BRPF1: variants seen among roughly 807,000 people sequenced by gnomAD.
The protein encoded by BRPF1 is peregrin.
BRPF1 carries 15 observed loss-of-function variants against 115.0 expected under a neutral mutation model. The ratio of observed to expected loss-of-function variants is 0.13; its 90% CI spans 0.09 to 0.20. The LOEUF (loss-of-function observed/expected upper bound fraction) is 0.20. Ranked by LOEUF, BRPF1 falls within the 10% of genes least tolerant of loss-of-function variation. The probability of loss-of-function intolerance (pLI) is 1.00; values close to 1 mark genes in which losing one functional copy is unlikely to be tolerated. For missense variants in BRPF1, 1,118 were observed against 1,638.3 expected (o/e 0.68, Z 5.48); for synonymous variants, 647 against 619.8 (o/e 1.04, Z -0.65).
At position 9,742,019 on chromosome 3, in the gene BRPF1, T is replaced by C. The variant is rs769990264; in HGVS notation, c.1855-6T>C. ...GCCTGGCTGATCAGGCCTTTTTCTATGTTAGATCAAGGTTCAGCAGATTGC... is the reference window on the plus strand; with the variant it reads ...GCCTGGCTGATCAGGCCTTTTTCTACGTTAGATCAAGGTTCAGCAGATTGC... On this transcript the variant is annotated splice_polypyrimidine_tract_variant and splice_region_variant and intron_variant, in intron 5 of 13. Coordinates refer to ENST00000383829, the MANE Select transcript of BRPF1 (RefSeq NM_001003694.2). 50 of 1,614,006 alleles carry C rather than the reference T, an allele frequency of 3.1e-5. 1 individual carries two copies. Among genetic ancestry groups the C allele is most frequent in the Non-Finnish European group, 8.5e-6 (10 of 1,180,032 alleles).
At chr3:9,741,954 G>T in intron 5 of BRPF1, 71 bp from the exon 6 acceptor site, 1 of 1,582,634 alleles carries the variant, frequency 6.3e-7, no homozygotes, top group South Asian at 1.1e-5. Context: ...GGCCAGCTGG[G>T]ACCATATCCT....
At position 9,742,158 on chromosome 3, in the gene BRPF1, CCGAATTGGA is replaced by C; in HGVS notation, c.1993_2001del (p.Leu665_Glu667del). On this transcript the variant is annotated inframe_deletion, in exon 6 of 14. Coordinates refer to ENST00000383829, the MANE Select transcript of BRPF1 (RefSeq NM_001003694.2). ...GAGCCGGTCCCTCTGTCTGAGGTAACCGAATTGGACGAAGTAAGAATCCCTTCCCCTCAC... is the reference window on the plus strand; with the variant it reads ...GAGCCGGTCCCTCTGTCTGAGGTAACCGAAGTAAGAATCCCTTCCCCTCAC... The C allele has an allele frequency of 6.2e-7, 1 of 1,614,146 alleles. No homozygotes were observed. The highest frequency in any genetic ancestry group is 2.2e-5 in the East Asian group (1 of 44,882).
intron 8 of BRPF1, 106 bp from the exon 9 acceptor site, chr3:9,744,118 C>G: frequency 7.2e-7 from 1 of 1,383,592 alleles, no homozygotes; most frequent in East Asian, 2.3e-5. Context: ...ATCTCCCCAA[C>G]GTTAGCTGGA....
rs2077066754 is a variant in BRPF1, at chr3:9,743,520, T to C, written c.2312-58T>C. ...TGGGTTTCTTGCTGCCTGCCCAGGT[T>C]CAAGGGGCCCTGAGGGCTGCCCTGA... On this transcript the variant is annotated intron_variant, in intron 7 of 13. Transcript: ENST00000383829. This position sits in a 1 kb window ranked among gnomAD's most constrained non-coding sequence, Gnocchi z 6.1. 3.9e-6 allele frequency: 6 copies of C among 1,550,084 alleles called. No homozygotes were observed. Among genetic ancestry groups the C allele is most frequent in the Non-Finnish European group, 5.2e-6 (6 of 1,143,608 alleles).
rs1415658760 is a variant in BRPF1, at chr3:9,742,118, G to A, written c.1948G>A (p.Gly650Ser). Residue 650 changes from glycine to serine, a missense_variant, in exon 6 of 14, where the codon GGC (glycine) becomes AGC (serine). Physicochemically the swap from Gly to Ser is moderately conservative, Grantham distance 56 (BLOSUM62 0). Transcript: ENST00000383829. ...TLEQLQEKDT[G>S]NIFSEPVPLS... ...GGAGCAGCTCCAAGAGAAGGACACA[G>A]GCAACATCTTCAGCGAGCCGGTCCC... 6.2e-7 allele frequency: 1 copy of A among 1,614,190 alleles called. No homozygotes were observed. Among genetic ancestry groups the A allele is most frequent in the African/African-American group, 1.3e-5 (1 of 75,042 alleles).
chr3:9,743,009 G>A lies in BRPF1; in HGVS notation c.2067G>A (p.Glu689=). Residue 689 remains glutamate (E), a synonymous_variant, in exon 7 of 14, where the codon GAG becomes GAA. Coordinates refer to ENST00000383829, the MANE Select transcript of BRPF1 (RefSeq NM_001003694.2). The surrounding 1 kb of genome is among the most constrained non-coding windows in gnomAD (Gnocchi z 6.1). ...TTTTCACCATGAAGCAGAACTTGGA[G>A]GCTTACCGCTACCTGAATTTTGATG... ...MDFFTMKQNL[E]AYRYLNFDDF... 2 of 1,614,194 alleles carry A rather than the reference G, an allele frequency of 1.2e-6. No individual in the cohort carries two copies. The highest frequency in any genetic ancestry group is 1.7e-6 in the Non-Finnish European group (2 of 1,180,048).
rs1575168491 is a variant in BRPF1, at chr3:9,745,960, T to C, written c.3324+30T>C. 2.5e-6 allele frequency: 4 copies of C among 1,590,292 alleles called. No individual in the cohort carries two copies. The African/African-American group carries it at 4.0e-5, about 16-fold the overall frequency. On this transcript the variant is annotated intron_variant, in intron 12 of 13. Coordinates refer to ENST00000383829, the MANE Select transcript of BRPF1 (RefSeq NM_001003694.2). This position sits in a 1 kb window ranked among gnomAD's most constrained non-coding sequence, Gnocchi z 5.1. ...GCTTGCTTCTGTTACACTTCTTGCT[T>C]TCCAATCCCAGAATACAGATTCACA... is the stretch of plus-strand genomic sequence containing the variant.
Position 9,734,034 on chromosome 3 carries a change from C to T in BRPF1, c.-10-97C>T. 6.7e-7 allele frequency: 1 copy of T among 1,503,622 alleles called. No individual in the cohort carries two copies. The highest frequency in any genetic ancestry group is 8.8e-7 in the Non-Finnish European group (1 of 1,133,222). The allele number at this position is 1,503,622 out of a possible 1,614,324, so 93.1% of individuals were successfully genotyped here. On this transcript the variant is annotated intron_variant, in intron 1 of 13. Transcript: ENST00000383829. The surrounding 1 kb of genome is among the most constrained non-coding windows in gnomAD (Gnocchi z 5.7). ...AGGTAGGCTGGCCAGAATCTGGTGA[C>T]TCCAAGTGAGGGGGAGGGCTAGAAA...
chr3:9,735,197 G>C (rs11927948), intron 2 of BRPF1, among the ~76,000 whole-genome samples: 1 of 151,988 alleles, frequency 6.6e-6, no homozygotes, highest in Non-Finnish European at 1.5e-5. Flanking sequence ...ATTTTTTGTA[G>C]AGATGGGGTT....
intron 9 of BRPF1, 43 bp downstream of exon 9, chr3:9,744,551 G>T: frequency 7.1e-7 from 1 of 1,406,836 alleles, no homozygotes. Flanking sequence ...AGTGAGCAAA[G>T]CTGCCATTCT....
Position 9,744,474 on chromosome 3 carries a change from C to A in BRPF1, c.2886C>A (p.Ser962Arg). The change falls in exon 9 of 14, where the codon AGC becomes AGA. Residue 962 changes from serine (S) to arginine (R), a missense_variant. Coordinates refer to ENST00000383829, the MANE Select transcript of BRPF1 (RefSeq NM_001003694.2). ...CCCGGCCCAGTTCGAGCTCAGACAG[C>A]GACAGTGATAAGTCCACAGAAGACC... The part of the protein sequence containing the change: ...RSPRPSSSSD[S>R]DSDKSTEDPP... 1 of 1,570,836 alleles carries A rather than the reference C, an allele frequency of 6.4e-7. No homozygotes were observed. Among genetic ancestry groups the A allele is most frequent in the Non-Finnish European group, 8.6e-7 (1 of 1,159,548 alleles).
Position 9,734,871 on chromosome 3 carries a change from C to T in BRPF1, c.599+132C>T. The T allele has an allele frequency of 1.7e-6, 2 of 1,152,256 alleles. No individual in the cohort carries two copies. Among genetic ancestry groups the T allele is most frequent in the East Asian group, 2.4e-5 (1 of 41,118 alleles). 71.4% of individuals were successfully genotyped at this position (1,152,256 alleles called of 1,614,324 possible). On this transcript the variant is annotated intron_variant, in intron 2 of 13. Coordinates refer to ENST00000383829, the MANE Select transcript of BRPF1 (RefSeq NM_001003694.2). The surrounding 1 kb of genome is among the most constrained non-coding windows in gnomAD (Gnocchi z 5.7). ...TGAAAGAACACTGATTTTGCCAGGGCAGTGAGTGGAATGGTACGCCACTAA... is the reference window on the plus strand; with the variant it reads ...TGAAAGAACACTGATTTTGCCAGGGTAGTGAGTGGAATGGTACGCCACTAA...
At chr3:9,738,865 A>T in intron 2 of BRPF1, 134 bp from the exon 3 acceptor site, 2 of 741,690 alleles carry the variant, frequency 2.7e-6, no homozygotes, top group Non-Finnish European at 4.1e-6. Flanking sequence ...ATCTGGAGTT[A>T]AGGTGAGGAT....
Position 9,747,150 on chromosome 3 carries a change from T to TC in BRPF1, c.3480-15dup. On this transcript the variant is annotated splice_polypyrimidine_tract_variant and intron_variant, in intron 13 of 13. Transcript: ENST00000383829. This position sits in a 1 kb window ranked among gnomAD's most constrained non-coding sequence, Gnocchi z 5.6. ...CTCCCTGAGATGATTTATTTGATCT[T>TC]CACCTTATCCTATAGGCAGTGGCTG... 6.2e-7 allele frequency: 1 copy of TC among 1,613,740 alleles called. No homozygotes were observed. Among genetic ancestry groups the TC allele is most frequent in the East Asian group, 2.2e-5 (1 of 44,860 alleles).
intron 2 of BRPF1, among the ~76,000 whole-genome samples, chr3:9,735,440 T>G (rs1480484596): frequency 6.6e-6 from 1 of 152,210 alleles, no homozygotes; most frequent in African/African-American, 2.4e-5. Context: ...GTCCTCTCCA[T>G]TTCCTTATGC....
chr3:9,746,242 A>G, intron 12 of BRPF1, 58 bp from the exon 13 acceptor site: 1 of 1,488,014 alleles, frequency 6.7e-7, no homozygotes, highest in East Asian at 2.3e-5. Context: ...GTTCTTGAGG[A>G]GGAAAAGCCT....
chr3:9,744,394 C>A lies in BRPF1; in HGVS notation c.2806C>A (p.Pro936Thr). The change falls in exon 9 of 14, where the codon CCC (proline) becomes ACC (threonine). Residue 936 changes from proline to threonine, a missense_variant. Pro to Thr is a conservative substitution (Grantham distance 38). This residue lies in a region of BRPF1 where 92 missense variants were observed against 102.2 expected (regional missense o/e 0.90). Coordinates refer to ENST00000383829, the MANE Select transcript of BRPF1 (RefSeq NM_001003694.2). ...CAGCCACGGAGGCAGTCCTGTGGGG[C>A]CCCCCCAGCTCCCCATCATGAGTTC... ...TPSHGGSPVG[P>T]PQLPIMSSLR... 1 of 1,599,238 alleles carries A rather than the reference C, an allele frequency of 6.3e-7. No homozygotes were observed. The highest frequency in any genetic ancestry group is 1.7e-5 in the Admixed American group (1 of 58,036).
In BRPF1 at chr3:9,743,149, G is replaced by T; in HGVS notation, c.2207G>T (p.Arg736Leu). ...CGTGAGCAGGGTGGTGCTGTGCTCC[G>T]CCAGGCCCGGCGCCAGGCAGAAAAA... ...RLREQGGAVL[R>L]QARRQAEKMG... The change falls in exon 7 of 14, where the codon CGC becomes CTC. Residue 736 changes from arginine to leucine, a missense_variant. Physicochemically the swap from Arg to Leu is moderately radical, Grantham distance 102. Coordinates refer to ENST00000383829, the MANE Select transcript of BRPF1 (RefSeq NM_001003694.2). The surrounding 1 kb of genome is among the most constrained non-coding windows in gnomAD (Gnocchi z 6.1). The T allele has an allele frequency of 1.2e-6, 2 of 1,614,224 alleles. No homozygotes were observed. Among genetic ancestry groups the T allele is most frequent in the South Asian group, 2.2e-5 (2 of 91,086 alleles).
At position 9,731,786 on chromosome 3, in the gene BRPF1, C is replaced by CT. The variant is rs1262795227; in HGVS notation, c.-360dup. On this transcript the variant is annotated 5_prime_UTR_variant, in exon 1 of 14. Coordinates refer to ENST00000383829, the MANE Select transcript of BRPF1 (RefSeq NM_001003694.2). ...CTGCTGCCGCCGCCGCTGCCACAGC[C>CT]TTTGCCGCCACGGTCTCCGCCGCCG... is the stretch of plus-strand genomic sequence containing the variant. 1 of 157,730 alleles carries CT rather than the reference C, an allele frequency of 6.3e-6. No homozygotes were observed. Among genetic ancestry groups the CT allele is most frequent in the Non-Finnish European group, 1.4e-5 (1 of 72,000 alleles). 9.8% of individuals were successfully genotyped at this position (157,730 alleles called of 1,614,324 possible). A position where few individuals can be genotyped will look rare whatever the true frequency, so the allele number is the denominator to read the frequency against.
Sources: allele counts gnomAD v4.1 joint callset (sites outside exome capture counted in the v4.1 genomes callset), GRCh38; gene constraint gnomAD v4.1.1; regional missense constraint gnomAD v4.1.1; non-coding constraint Gnocchi (gnomAD v3.1); transcripts MANE v1.5; gene names NCBI Gene and HGNC (gene_info 2026-07-23, HGNC 2026-07-21).